Variants in ILDR2 observed in about 807,000 individuals in gnomAD.
ILDR2 encodes immunoglobulin like domain containing receptor 2.
A neutral mutation model predicts 66.8 loss-of-function variants in ILDR2; 25 were observed. The ratio of observed to expected loss-of-function variants is 0.37; its 90% CI spans 0.27 to 0.52. The LOEUF (loss-of-function observed/expected upper bound fraction) is 0.52. ILDR2 is among the 20% of genes least tolerant of loss of function. The pLI is 0.88. For synonymous variants in ILDR2, 367 were observed against 357.2 expected (o/e 1.03, Z -0.31); for missense variants, 827 against 876.8 (o/e 0.94, Z 0.72).
intron 1 of ILDR2, among the ~76,000 whole-genome samples, chr1:166,963,667 T>C (rs1008788749): frequency 5.3e-5 from 8 of 152,256 alleles, no homozygotes; most frequent in Non-Finnish European, 8.8e-5. Flanking sequence ...CAGGACAAAA[T>C]TGAAATACCC....
chr1:166,901,694 A>T (rs1659267858), intron 2 of ILDR2, among the ~76,000 whole-genome samples: 1 of 152,222 alleles, frequency 6.6e-6, no homozygotes, highest in Non-Finnish European at 1.5e-5. Flanking sequence ...GATTTCTAAA[A>T]CACAAAAACC....
At chr1:166,924,796 CT>C (rs1197234325) in intron 7 of ILDR2, among the ~76,000 whole-genome samples, 4 of 152,168 alleles carry the variant, frequency 2.6e-5, no homozygotes, top group Non-Finnish European at 5.9e-5. Context: ...GGGAGGATTG[CT>C]TGAGCCCAGG....
At chr1:166,956,987 G>A (rs1310236656) in intron 2 of ILDR2, 135 bp from the exon 3 acceptor site, 4 of 840,558 alleles carry the variant, frequency 4.8e-6, no homozygotes, top group African/African-American at 3.4e-5. Context: ...GATGGTGGTT[G>A]AAAGATGTGT....
At chr1:166,950,689 A>G (rs189023178) in intron 3 of ILDR2, among the ~76,000 whole-genome samples, 2 of 151,500 alleles carry the variant, frequency 1.3e-5, no homozygotes, top group East Asian at 1.9e-4. Context: ...CAGAATAACA[A>G]TTTCAGGCAC....
intron 2 of ILDR2, among the ~76,000 whole-genome samples, chr1:166,901,723 T>A (rs1659268168): frequency 6.6e-6 from 1 of 152,262 alleles, no homozygotes; most frequent in Non-Finnish European, 1.5e-5. Flanking sequence ...CAGGGTTTTA[T>A]TTTTCTGCCT....
intron 9 of ILDR2, among the ~76,000 whole-genome samples, chr1:166,920,413 G>A (rs1282153019): frequency 6.6e-6 from 1 of 152,192 alleles, no homozygotes; most frequent in Non-Finnish European, 1.5e-5. Flanking sequence ...TTCTGAGTTG[G>A]TTAAATACCT....
At chr1:166,964,138 A>AT (rs1181414404) in intron 1 of ILDR2, among the ~76,000 whole-genome samples, 47 of 126,814 alleles carry the variant, frequency 3.7e-4, no homozygotes, top group African/African-American at 1.4e-3. Context: ...AAATCTAAAA[A>AT]TAAAAAAAAA....
chr1:166,965,319 T>C (rs1662872473), intron 1 of ILDR2, among the ~76,000 whole-genome samples: 1 of 152,200 alleles, frequency 6.6e-6, no homozygotes, highest in Admixed American at 6.5e-5. Flanking sequence ...CATTTATGTT[T>C]CATATATACT....
At chr1:166,905,259 G>A (rs12184250), downstream of ILDR2, among the ~76,000 whole-genome samples, 20,739 of 152,040 alleles carry the variant, frequency 0.14, 1,908 homozygotes, top group Middle Eastern at 0.25. Flanking sequence ...CGGTCAGCTG[G>A]CTCCATGTAA....
At position 166,917,006 on chromosome 1, in the gene ILDR2, C is replaced by T. The variant is rs991027791; in HGVS notation, c.*2349G>A. 4.6e-5 allele frequency: 7 copies of T among 152,250 alleles called. No homozygotes were observed. The highest frequency in any genetic ancestry group is 7.3e-5 in the Non-Finnish European group (5 of 68,058). The allele number at this position is 152,250 out of a possible 1,614,324, so 9.4% of individuals were successfully genotyped here. ...AGCTACCACAGCTACCCAATATTCTCCAAAATTGCCTGAGCAAGTTGAAAT... is the reference window on the plus strand; with the variant it reads ...AGCTACCACAGCTACCCAATATTCTTCAAAATTGCCTGAGCAAGTTGAAAT... On this transcript the variant is annotated 3_prime_UTR_variant, in exon 10 of 10. Transcript: ENST00000271417.
chr1:166,945,060 A>G (rs1054022030), intron 3 of ILDR2, among the ~76,000 whole-genome samples: 3 of 152,208 alleles, frequency 2.0e-5, no homozygotes, highest in African/African-American at 7.2e-5. Context: ...TTTGCTGCGC[A>G]TTATAGTGAC....
At position 166,936,439 on chromosome 1, in the gene ILDR2, C is replaced by T. The variant is rs1660984796; in HGVS notation, c.703+152G>A. ...CAAATGAGAATGGTCATCCCTGAGGCCAGGGGCACCCAGCGGAGAAGAGTC... is the reference window on the plus strand; with the variant it reads ...CAAATGAGAATGGTCATCCCTGAGGTCAGGGGCACCCAGCGGAGAAGAGTC... On this transcript the variant is annotated intron_variant, in intron 5 of 9. Transcript: ENST00000271417. This position sits in a 1 kb window ranked among gnomAD's most constrained non-coding sequence, Gnocchi z 5.0. The T allele has an allele frequency of 8.5e-7, 1 of 1,180,196 alleles. No homozygotes were observed. The highest frequency in any genetic ancestry group is 1.2e-6 in the Non-Finnish European group (1 of 835,570). The allele number at this position is 1,180,196 out of a possible 1,614,324, so 73.1% of individuals were successfully genotyped here.
At position 166,910,618 on chromosome 1, in the gene ILDR2, C is replaced by T. The variant is rs970806979; in HGVS notation, c.*8737G>A. 11 of 152,210 alleles carry T rather than the reference C, an allele frequency of 7.2e-5. No individual in the cohort carries two copies. Among genetic ancestry groups the T allele is most frequent in the Admixed American group, 5.9e-4 (9 of 15,284 alleles). The allele number at this position is 152,210 out of a possible 1,614,324, so 9.4% of individuals were successfully genotyped here. A position where few individuals can be genotyped will look rare whatever the true frequency, so the allele number is the denominator to read the frequency against. On this transcript the variant is annotated 3_prime_UTR_variant, in exon 10 of 10. Transcript: ENST00000271417. ...CTAAGCAACTTCCTAGCTACTTCTA[C>T]ACCTCATGCCATTTTTGGTGAGTCA...
intron 1 of ILDR2, among the ~76,000 whole-genome samples, chr1:166,961,344 TG>T (rs1662601752): frequency 6.6e-6 from 1 of 152,200 alleles, no homozygotes; most frequent in South Asian, 2.1e-4. Flanking sequence ...ATTAGCCACT[TG>T]AGCAAGCCAC....
chr1:166,913,118 CAT>C lies in ILDR2; in HGVS notation c.*6235_*6236del, dbSNP rs931590742. ...ACAACAATCAGAGAAGGACATGTATCATATGATTCTTTCTCTTGCTGAGGCCA... is the reference window on the plus strand; with the variant it reads ...ACAACAATCAGAGAAGGACATGTATCATGATTCTTTCTCTTGCTGAGGCCA... On this transcript the variant is annotated 3_prime_UTR_variant, in exon 10 of 10. Transcript: ENST00000271417. 2 of 152,182 alleles carry C rather than the reference CAT, an allele frequency of 1.3e-5. No individual in the cohort carries two copies. The highest frequency in any genetic ancestry group is 1.3e-4 in the Admixed American group (2 of 15,276). The allele number at this position is 152,182 out of a possible 1,614,324, so 9.4% of individuals were successfully genotyped here.
chr1:166,949,115 C>T (rs1661818592), intron 3 of ILDR2, among the ~76,000 whole-genome samples: 1 of 152,260 alleles, frequency 6.6e-6, no homozygotes, highest in African/African-American at 2.4e-5. Context: ...AGCACTATTT[C>T]TATCTGGAGC....
downstream of ILDR2, among the ~76,000 whole-genome samples, chr1:166,905,334 C>T (rs1659328085): frequency 1.3e-5 from 2 of 152,148 alleles, 1 homozygote; most frequent in Admixed American, 1.3e-4. Flanking sequence ...TCATTTAATA[C>T]CACAAAATTG....
chr1:166,902,649 GC>G (rs1659282353), intron 2 of ILDR2, among the ~76,000 whole-genome samples: 3 of 152,350 alleles, frequency 2.0e-5, no homozygotes, highest in African/African-American at 7.2e-5. Flanking sequence ...AACTTGAATG[GC>G]AAAGAGTAGA....
downstream of ILDR2, among the ~76,000 whole-genome samples, chr1:166,905,378 G>C (rs1462310731): frequency 2.6e-5 from 4 of 152,192 alleles, no homozygotes; most frequent in Middle Eastern, 3.2e-3. Flanking sequence ...CATTTGGTAT[G>C]CACTGAAGGA....
Sources: gnomAD v4.1 joint callset for allele counts (sites outside exome capture counted in the v4.1 genomes callset) on GRCh38, gnomAD v4.1.1 for gene constraint, Gnocchi (gnomAD v3.1) non-coding constraint, MANE v1.5 for transcripts, NCBI Gene and HGNC (gene_info 2026-07-23, HGNC 2026-07-21) for gene names.